The following PHEX variants were observed in gnomAD, a reference collection of about 807,000 sequenced individuals.
The protein encoded by PHEX is phosphate-regulating neutral endopeptidase PHEX.
PHEX carries 16 observed loss-of-function variants against 68.0 expected under a neutral mutation model. The observed-to-expected ratio is 0.24, with a 90% CI of 0.16 to 0.36. PHEX has a LOEUF of 0.36. Among genes scored for constraint, PHEX ranks in the 10% least tolerant of loss-of-function variants. The pLI is 1.00. For missense variants in PHEX, 480 were observed against 575.5 expected, an observed-to-expected ratio of 0.83 and a Z score of 1.70; for synonymous variants, 208 against 205.1, an observed-to-expected ratio of 1.01 and a Z score of -0.12.
At chrX:22,229,672 T>C (rs1261943915) in intron 20 of PHEX, among the ~76,000 whole-genome samples, 3 of 112,368 alleles carry the variant, frequency 2.7e-5, no homozygotes, top group Non-Finnish European at 5.6e-5. Flanking sequence ...TGCAAAAATT[T>C]TCTCCCATTC....
chrX:22,113,943 C>CTTTTTTTTTTTTTTTTTTT (rs746349559), intron 10 of PHEX, among the ~76,000 whole-genome samples: 2 of 63,996 alleles, frequency 3.1e-5, no homozygotes, highest in Admixed American at 2.0e-4. Context: ...TCTTCTTCTT[C>CTTTTTTTTTTTTTTTTTTT]TTTTTTTTTT....
chrX:22,036,051 TATA>T (rs1234478112), intron 1 of PHEX, among the ~76,000 whole-genome samples: 3 of 59,375 alleles, frequency 5.1e-5, no homozygotes, highest in African/African-American at 1.5e-4. Flanking sequence ...TATATATATA[TATA>T]TTTTTTTTTT....
At position 22,176,398 on chromosome X, in the gene PHEX, A is replaced by AT. The variant is rs1556067114; in HGVS notation, c.1483-1875_1483-1874insT. Among the ~76,000 whole-genome samples, 79 of 68,132 alleles carry AT rather than the reference A, an allele frequency of 1.2e-3. 1 individual carries two copies. The highest frequency in any genetic ancestry group is 3.7e-3 in the South Asian group (7 of 1,883). 59.2% of individuals were successfully genotyped at this position (68,132 alleles called of 115,157 possible). On this transcript the variant is annotated intron_variant, in intron 13 of 21. Coordinates refer to ENST00000379374, the MANE Select transcript of PHEX (RefSeq NM_000444.6). ...CGAGACTGTCTCAAAAAAAAAAAAA[A>AT]AAAAATATATATATATATATATATA...
At chrX:22,036,955 C>T (rs769415248) in intron 1 of PHEX, among the ~76,000 whole-genome samples, 175 of 107,706 alleles carry the variant, frequency 1.6e-3, no homozygotes, top group African/African-American at 3.8e-3. Context: ...AAAAATTAGC[C>T]GGGCGTGGTG....
chrX:22,193,666 G>C (rs1934273811), intron 15 of PHEX, among the ~76,000 whole-genome samples: 1 of 111,321 alleles, frequency 9.0e-6, no homozygotes. Context: ...TGTACCCCCA[G>C]ATTGTTTATT....
intron 12 of PHEX, among the ~76,000 whole-genome samples, chrX:22,137,298 A>T (rs762566732): frequency 4.5e-5 from 5 of 111,646 alleles, no homozygotes; most frequent in Non-Finnish European, 7.5e-5. Context: ...TGCCCCTGGG[A>T]CCTAAGTTTG....
At position 22,178,152 on chromosome X, in the gene PHEX, T is replaced by G. The variant is rs1044766580; in HGVS notation, c.1483-121T>G. 1.1e-5 allele frequency: 5 copies of G among 437,803 alleles called. No individual in the cohort carries two copies. In the African/African-American group the frequency reaches 1.2e-4, roughly 11 times the overall value. The allele number at this position is 437,803 out of a possible 1,213,427, so 36.1% of individuals were successfully genotyped here. A position where few individuals can be genotyped will look rare whatever the true frequency, so the allele number is the denominator to read the frequency against. On this transcript the variant is annotated intron_variant, in intron 13 of 21. Transcript: ENST00000379374. Reference sequence around the variant, plus strand: ...GACTTCTGGGTCAACTGATAACAGCTGAGAGAGGCTGTGACTGATGCAGCT... The same window carrying G: ...GACTTCTGGGTCAACTGATAACAGCGGAGAGAGGCTGTGACTGATGCAGCT...
intron 12 of PHEX, among the ~76,000 whole-genome samples, chrX:22,142,063 C>T (rs1932486309): frequency 9.0e-6 from 1 of 111,500 alleles, no homozygotes; most frequent in African/African-American, 3.3e-5. Context: ...CCAGCCTGGC[C>T]AACATGGTGA....
intron 1 of PHEX, 26 bp downstream of exon 1, chrX:22,033,149 G>A (rs781744295): frequency 6.7e-6 from 7 of 1,040,956 alleles, no homozygotes; most frequent in South Asian, 5.6e-5. Context: ...GAGGCCGGGG[G>A]AACTGGGTGT....
chrX:22,047,595 T>G lies in PHEX; in HGVS notation c.349+384T>G, dbSNP rs756782582. 8.9e-5 allele frequency among the ~76,000 whole-genome samples: 10 copies of G among 112,142 alleles called. No homozygotes were observed. In the East Asian group the frequency reaches 2.2e-3, roughly 25 times the overall value. On this transcript the variant is annotated intron_variant, in intron 3 of 21. Transcript: ENST00000379374. ...ATTTTCATGGCTTACAAAATGTACT[T>G]AACACCTCATCATCTTTTGACATCA...
At chrX:22,188,515 C>T (rs1012980091) in intron 14 of PHEX, among the ~76,000 whole-genome samples, 6 of 112,567 alleles carry the variant, frequency 5.3e-5, no homozygotes, top group Non-Finnish European at 9.4e-5. Context: ...TTTGTGTGGC[C>T]CATGAGCTAA....
rs146245438 is a variant in PHEX, at chrX:22,038,762, T to A, written c.187+225T>A. The stretch of plus-strand genomic sequence containing the variant: ...GCAAAAACTGTGGTATTCTAAGCGT[T>A]GTTACAAGGAAATCAGGAAGGGGCT... On this transcript the variant is annotated intron_variant, in intron 2 of 21. Transcript: ENST00000379374. 4.5e-5 allele frequency among the ~76,000 whole-genome samples: 5 copies of A among 111,999 alleles called. No individual in the cohort carries two copies. In the East Asian group the frequency reaches 1.4e-3, roughly 31 times the overall value.
At chrX:22,148,725 A>T (rs1932770898) in intron 12 of PHEX, among the ~76,000 whole-genome samples, 1 of 111,113 alleles carries the variant, frequency 9.0e-6, no homozygotes, top group Non-Finnish European at 1.9e-5. Context: ...TATAAGTGAG[A>T]TTATACAGTA....
At chrX:22,125,742 C>T (rs7889050) in intron 11 of PHEX, among the ~76,000 whole-genome samples, 12,882 of 111,404 alleles carry the variant, frequency 0.12, 1,787 homozygotes, top group African/African-American at 0.39. Flanking sequence ...ATAAGTTCTA[C>T]TCATGGATTC....
At chrX:22,216,365 T>C (rs1289159497) in intron 16 of PHEX, among the ~76,000 whole-genome samples, 1 of 111,362 alleles carries the variant, frequency 9.0e-6, no homozygotes, top group East Asian at 2.8e-4. Context: ...AGAAACTGAG[T>C]AGGTAGTAAA....
chrX:22,249,455 A>AAAAAAATATATATATATATAT lies in PHEX; in HGVS notation c.*1503_*1504insAAAAATATATATATATATATA. On this transcript the variant is annotated 3_prime_UTR_variant, in exon 22 of 22. Transcript: ENST00000379374. ...TTGTGATTCTTTTAAAAAAAAAAAA[A>AAAAAAATATATATATATATAT]ATATATATATATATATATATATATA... 3.0e-4 allele frequency: 12 copies of AAAAAAATATATATATATATAT among 39,752 alleles called. No homozygotes were observed. Among genetic ancestry groups the AAAAAAATATATATATATATAT allele is most frequent in the African/African-American group, 5.0e-4 (3 of 6,013 alleles). The allele number at this position is 39,752 out of a possible 1,213,427, so 3.3% of individuals were successfully genotyped here.
chrX:22,100,016 C>T (rs772795194), intron 9 of PHEX, among the ~76,000 whole-genome samples: 1 of 112,429 alleles, frequency 8.9e-6, no homozygotes, highest in South Asian at 3.7e-4. Flanking sequence ...AAGATACTTT[C>T]TGATGATAAA....
chrX:22,188,321 G>A (rs1569422403), intron 14 of PHEX, among the ~76,000 whole-genome samples: 1 of 111,339 alleles, frequency 9.0e-6, no homozygotes, highest in Non-Finnish European at 1.9e-5. Flanking sequence ...TCCTGCCTCA[G>A]CCTCCCAAGT....
intron 14 of PHEX, among the ~76,000 whole-genome samples, chrX:22,185,756 G>GTTTTTTTTTTTTTTTTTTTTTTTT (rs3085228): frequency 1.1e-5 from 1 of 87,776 alleles, no homozygotes; most frequent in African/African-American, 5.0e-5. Context: ...CTCGTTTGTG[G>GTTTTTTTTTTTTTTTTTTTTTTTT]TTTTTTTTTT....
Sources: gnomAD v4.1 joint callset for allele counts (sites outside exome capture counted in the v4.1 genomes callset) on GRCh38, gnomAD v4.1.1 for gene constraint, MANE v1.5 for transcripts, NCBI Gene and HGNC (gene_info 2026-07-23, HGNC 2026-07-21) for gene names.